Variants in MYH13 observed in about 807,000 individuals in gnomAD.
The protein encoded by MYH13 is myosin-13.
A neutral mutation model predicts 232.1 loss-of-function variants in MYH13; 177 were observed. That is an observed-to-expected ratio of 0.76 (90% CI 0.67 to 0.86). The LOEUF (loss-of-function observed/expected upper bound fraction) is 0.86. Ranked by LOEUF, MYH13 falls within the 40% of genes least tolerant of loss-of-function variation. MYH13 has a pLI of 0.00. For missense variants in MYH13, 2,246 were observed against 2,405.9 expected (o/e 0.93, Z 1.39); for synonymous variants, 884 against 923.5 (o/e 0.96, Z 0.78).
chr17:10,331,129 G>C (rs1273906427), intron 20 of MYH13, among the ~76,000 whole-genome samples: 1 of 152,138 alleles, frequency 6.6e-6, no homozygotes, highest in Non-Finnish European at 1.5e-5. Context: ...AGGAAACAAA[G>C]ATGAGTCCAG....
At chr17:10,363,539 C>A (rs2071810521) in intron 3 of MYH13, among the ~76,000 whole-genome samples, 1 of 152,038 alleles carries the variant, frequency 6.6e-6, no homozygotes, top group Non-Finnish European at 1.5e-5. Context: ...CCCAAGGTAG[C>A]CAAAGGGGAG....
Position 10,311,820 on chromosome 17 carries a change from G to A in MYH13, c.4531+91C>T. 5.6e-6 allele frequency: 8 copies of A among 1,427,622 alleles called. No homozygotes were observed. The South Asian group carries it at 1.0e-4, about 18-fold the overall frequency. The allele number at this position is 1,427,622 out of a possible 1,614,324, so 88.4% of individuals were successfully genotyped here. ...GAGGATCGTGTGGGGCAGTGGGAAG[G>A]AGGTGTCTGGAGATGGCTGTGGCCA... On this transcript the variant is annotated intron_variant, in intron 32 of 40. Coordinates refer to ENST00000252172, the MANE Select transcript of MYH13 (RefSeq NM_003802.3).
At chr17:10,320,318 C>T (rs1176770664) in intron 25 of MYH13, 33 bp downstream of exon 25, 1 of 1,609,572 alleles carries the variant, frequency 6.2e-7, no homozygotes, top group Non-Finnish European at 8.5e-7. Context: ...GGCTTTTAGG[C>T]TGAGACACAG....
rs1026551786 is a variant in MYH13 at position 10,357,159 on chromosome 17, G to A, written c.738+576C>T. 4.0e-5 allele frequency among the ~76,000 whole-genome samples: 6 copies of A among 151,862 alleles called. No individual in the cohort carries two copies. The East Asian group carries it at 5.8e-4, about 15-fold the overall frequency. On this transcript the variant is annotated intron_variant, in intron 8 of 40. Coordinates refer to ENST00000252172, the MANE Select transcript of MYH13 (RefSeq NM_003802.3). ...GTATTTTTAGTAGAGATGGGGTTTC[G>A]TCATGCTGGTCAGGCTCGTCTCAAA...
chr17:10,323,825 AGAAGAAGAG>A (rs1405784534), intron 23 of MYH13, among the ~76,000 whole-genome samples, 188 bp downstream of exon 23: 4 of 136,632 alleles, frequency 2.9e-5, no homozygotes, highest in Non-Finnish European at 6.4e-5. Context: ...AAGAAGAAGA[AGAAGAAGAG>A]TCTATGGGTA....
rs758965976 is a variant in MYH13, at chr17:10,309,431, G to T, written c.4972C>A (p.Gln1658Lys). ...CTCAGGGCGTCATCGAGATGCAGCT[G>T]GGAGTCCTGCAGGGGAGACCCAGAG... ...RTVQGQLKDSQLHLDDALRSN... is the reference protein window; with the variant it reads ...RTVQGQLKDSKLHLDDALRSN... Residue 1658 changes from glutamine (Q) to lysine (K), a missense_variant, in exon 35 of 41, where the codon CAG (glutamine) becomes AAG (lysine). Coordinates refer to ENST00000252172, the MANE Select transcript of MYH13 (RefSeq NM_003802.3). 1.2e-5 allele frequency: 19 copies of T among 1,602,680 alleles called. No homozygotes were observed. The South Asian group carries it at 2.0e-4, about 17-fold the overall frequency.
intron 10 of MYH13, 49 bp downstream of exon 10, chr17:10,354,846 T>TC: frequency 8.5e-7 from 1 of 1,180,648 alleles, no homozygotes; most frequent in South Asian, 1.2e-5. Context: ...GTTTTTTTTT[T>TC]CCCAACGTCA....
At position 10,343,873 on chromosome 17, in the gene MYH13, C is replaced by T. The variant is rs751002849; in HGVS notation, c.1821G>A (p.Val607=). 2.5e-6 allele frequency: 4 copies of T among 1,614,196 alleles called. No homozygotes were observed. The highest frequency in any genetic ancestry group is 2.5e-6 in the Non-Finnish European group (3 of 1,180,016). The stretch of plus-strand genomic sequence containing the variant: ...GCGAAGACTTCTGGTACAGCCCCAC[C>T]ACAGTCTCGTTCAGGGGGTCCTTGT... ...DKNKDPLNET[V]VGLYQKSSLK... is the part of the protein sequence containing the mutation. The change falls in exon 16 of 41, where the codon GTG becomes GTA. Residue 607 remains valine, a synonymous_variant. Transcript: ENST00000252172.
rs1439015889 is a variant in MYH13 at position 10,342,219 on chromosome 17, AT to A, written c.1894+1580del. On this transcript the variant is annotated intron_variant, in intron 16 of 40. Transcript: ENST00000252172. ...ACCACCACTTTTGGCTAATTATTTT[AT>A]TTTATCTTATTTTATTTTGTTTTAG... is the stretch of plus-strand genomic sequence containing the variant. Among the ~76,000 whole-genome samples, 22 of 151,964 alleles carry A rather than the reference AT, an allele frequency of 1.4e-4. No individual in the cohort carries two copies. The Middle Eastern group carries it at 0.014, about 94-fold the overall frequency.
At chr17:10,321,407 G>T (rs1416705800) in intron 24 of MYH13, 125 bp downstream of exon 24, 5 of 958,732 alleles carry the variant, frequency 5.2e-6, no homozygotes, top group Non-Finnish European at 6.1e-6. Context: ...GTGGGGCTGA[G>T]ATCTGAATTT....
At chr17:10,310,584 G>T (rs975537819) in intron 33 of MYH13, among the ~76,000 whole-genome samples, 3 of 152,064 alleles carry the variant, frequency 2.0e-5, no homozygotes, top group African/African-American at 4.8e-5. Context: ...TTTATTGAGG[G>T]TATCTATTAT....
intron 18 of MYH13, among the ~76,000 whole-genome samples, chr17:10,336,952 CTG>C (rs2071580529): frequency 6.7e-6 from 1 of 149,688 alleles, no homozygotes; most frequent in Admixed American, 6.7e-5. Context: ...GAGTCTCCCT[CTG>C]TCACTGAGGC....
rs1039142211 is a variant in MYH13, at chr17:10,363,867, G to A, written c.204+460C>T. ...AAACTTTGGGAAAGCAGGTGCAGAG[G>A]TATGCTTATATTTGCAAAGCGATCA... is the stretch of plus-strand genomic sequence containing the variant. On this transcript the variant is annotated intron_variant, in intron 3 of 40. Coordinates refer to ENST00000252172, the MANE Select transcript of MYH13 (RefSeq NM_003802.3). 4.6e-5 allele frequency among the ~76,000 whole-genome samples: 7 copies of A among 152,316 alleles called. No homozygotes were observed. In the South Asian group the frequency reaches 1.4e-3, roughly 32 times the overall value.
intron 31 of MYH13, among the ~76,000 whole-genome samples, chr17:10,312,371 A>G (rs140067053): frequency 2.0e-4 from 30 of 152,344 alleles, no homozygotes; most frequent in African/African-American, 7.2e-4. Flanking sequence ...CAAGTCCCTG[A>G]AACTGGGAAA....
At chr17:10,348,814 C>G (rs985572465) in intron 12 of MYH13, among the ~76,000 whole-genome samples, 1 of 152,106 alleles carries the variant, frequency 6.6e-6, no homozygotes, top group African/African-American at 2.4e-5. Context: ...GCCATATATT[C>G]TAAACCATTC....
At chr17:10,346,649 CA>C in intron 13 of MYH13, 30 bp downstream of exon 13, 1 of 1,527,030 alleles carries the variant, frequency 6.5e-7, no homozygotes, top group Non-Finnish European at 9.1e-7. Context: ...CAAAAGATCT[CA>C]ATCAACTGGA....
chr17:10,360,241 TA>T, intron 5 of MYH13, 53 bp from the exon 6 acceptor site: 8 of 1,577,282 alleles, frequency 5.1e-6, no homozygotes, highest in Non-Finnish European at 6.9e-6. Context: ...AACAGAATGT[TA>T]AAATAAAGTA....
Position 10,350,642 on chromosome 17 carries a change from TTG to T in MYH13, c.1056_1057del (p.Tyr352Ter). ...ATAATGCATCACGGCTCCCGTCAGT[TTG>T]TAGATCCCGACTTTCTCCTCTGAGC... On this transcript the variant is annotated stop_gained and frameshift_variant, in exon 12 of 41. Transcript: ENST00000252172. LOFTEE classifies it high-confidence loss of function. The T allele has an allele frequency of 6.2e-7, 1 of 1,613,762 alleles. No homozygotes were observed. The highest frequency in any genetic ancestry group is 8.5e-7 in the Non-Finnish European group (1 of 1,179,956).
intron 26 of MYH13, 44 bp from the exon 27 acceptor site, chr17:10,319,223 G>T: frequency 6.4e-7 from 1 of 1,574,542 alleles, no homozygotes; most frequent in Non-Finnish European, 8.6e-7. Flanking sequence ...GGAGGAGGGG[G>T]CAGCCCCCTT....
Sources: allele counts gnomAD v4.1 joint callset (sites outside exome capture counted in the v4.1 genomes callset), GRCh38; gene constraint gnomAD v4.1.1; transcripts MANE v1.5; gene names NCBI Gene and HGNC (gene_info 2026-07-23, HGNC 2026-07-21).